The following GMDS variants were observed in gnomAD, a reference collection of about 807,000 sequenced individuals.
The protein encoded by GMDS is GDP-mannose 4,6 dehydratase.
GMDS carries 20 observed loss-of-function variants against 49.9 expected under a neutral mutation model. The ratio of observed to expected loss-of-function variants is 0.40; its 90% confidence interval spans 0.28 to 0.58. The LOEUF is 0.58. Among genes scored for constraint, GMDS ranks in the 20% least tolerant of loss-of-function variants. The pLI is 0.42. For missense variants in GMDS, 362 were observed against 481.4 expected (o/e 0.75, Z 2.32); for synonymous variants, 177 against 178.6 (o/e 0.99, Z 0.07).
At chr6:2,084,147 T>C (rs1278476307) in intron 4 of GMDS, among the ~76,000 whole-genome samples, 2 of 152,204 alleles carry the variant, frequency 1.3e-5, no homozygotes, top group Non-Finnish European at 2.9e-5. Context: ...AAAATTACAA[T>C]TGATTACATA....
intron 7 of GMDS, among the ~76,000 whole-genome samples, chr6:1,887,394 GT>G (rs1759659176): frequency 1.3e-5 from 2 of 151,974 alleles, no homozygotes; most frequent in Non-Finnish European, 2.9e-5. Flanking sequence ...ACGTTTCTAG[GT>G]ATATTTTTGA....
At chr6:2,070,416 A>G (rs1771919075) in intron 4 of GMDS, among the ~76,000 whole-genome samples, 1 of 151,904 alleles carries the variant, frequency 6.6e-6, no homozygotes, top group South Asian at 2.1e-4. Flanking sequence ...CCTAAAGTAT[A>G]ATAATAATAA....
At position 1,974,149 on chromosome 6, in the gene GMDS, T is replaced by TA. The variant is rs554716070; in HGVS notation, c.346-13184dup. Among the ~76,000 whole-genome samples the TA allele has an allele frequency of 2.0e-3, 285 of 142,766 alleles. 1 individual carries two copies. The highest frequency in any genetic ancestry group is 6.4e-3 in the East Asian group (32 of 4,984). 93.7% of individuals were successfully genotyped at this position (142,766 alleles called of 152,430 possible). A position where few individuals can be genotyped will look rare whatever the true frequency, so the allele number is the denominator to read the frequency against. ...AGTAAATTAATTTTAGAAGGAATAT[T>TA]AAAAAAAAAAAACCTAAGCTGTGAG... is the stretch of plus-strand genomic sequence containing the variant. On this transcript the variant is annotated intron_variant, in intron 4 of 10. Coordinates refer to ENST00000380815, the MANE Select transcript of GMDS (RefSeq NM_001500.4).
At chr6:2,018,455 T>G (rs769839506) in intron 4 of GMDS, among the ~76,000 whole-genome samples, 9 of 152,304 alleles carry the variant, frequency 5.9e-5, no homozygotes, top group Admixed American at 2.0e-4. Flanking sequence ...TCTAACACTC[T>G]CAAAAGAAAC....
chr6:2,054,630 T>G (rs904099740), intron 4 of GMDS, among the ~76,000 whole-genome samples: 1 of 152,122 alleles, frequency 6.6e-6, no homozygotes, highest in African/African-American at 2.4e-5. Context: ...GTATAAACTC[T>G]GCCCAAATCT....
chr6:1,852,869 G>A (rs1757751721), intron 7 of GMDS, among the ~76,000 whole-genome samples: 1 of 151,848 alleles, frequency 6.6e-6, no homozygotes, highest in African/African-American at 2.4e-5. Context: ...ACCACGCCCG[G>A]CTAATTTTGT....
intron 7 of GMDS, among the ~76,000 whole-genome samples, chr6:1,797,192 G>A (rs1024770366): frequency 1.3e-5 from 2 of 152,152 alleles, no homozygotes; most frequent in African/African-American, 4.8e-5. Context: ...CACGTGCGAG[G>A]GATCCAGGTG....
chr6:1,643,509 T>C (rs571677435), intron 9 of GMDS, among the ~76,000 whole-genome samples: 1 of 151,834 alleles, frequency 6.6e-6, no homozygotes, highest in Non-Finnish European at 1.5e-5. Context: ...TTTAGTAGAG[T>C]AGGATGTGGT....
At chr6:2,124,835 A>C in intron 1 of GMDS, 104 bp from the exon 2 acceptor site, 1 of 789,466 alleles carries the variant, frequency 1.3e-6, no homozygotes, top group Non-Finnish European at 2.2e-6. Context: ...TACCTAACTT[A>C]AGGACAATGG....
intron 4 of GMDS, among the ~76,000 whole-genome samples, chr6:2,104,573 G>A (rs1026659363): frequency 2.0e-5 from 3 of 151,806 alleles, no homozygotes; most frequent in African/African-American, 7.3e-5. Flanking sequence ...GGATGAAGAA[G>A]GAAGCTTTAG....
intron 7 of GMDS, among the ~76,000 whole-genome samples, chr6:1,774,165 T>C (rs546397824): frequency 6.6e-5 from 10 of 152,332 alleles, no homozygotes; most frequent in African/African-American, 2.2e-4. Context: ...AGAATTCTAC[T>C]TCCCTCATCT....
intron 7 of GMDS, among the ~76,000 whole-genome samples, chr6:1,782,263 C>T (rs184970617): frequency 1.3e-5 from 2 of 152,280 alleles, no homozygotes; most frequent in African/African-American, 4.8e-5. Context: ...AAATAAAACA[C>T]CAAACCAATA....
chr6:1,864,364 A>T (rs975133171), intron 7 of GMDS, among the ~76,000 whole-genome samples: 1 of 152,264 alleles, frequency 6.6e-6, no homozygotes, highest in Non-Finnish European at 1.5e-5. Flanking sequence ...TTAATAAAAC[A>T]GCCCTCCATT....
At chr6:2,037,113 A>G (rs1189727646) in intron 4 of GMDS, among the ~76,000 whole-genome samples, 2 of 152,156 alleles carry the variant, frequency 1.3e-5, no homozygotes, top group African/African-American at 4.8e-5. Flanking sequence ...GAAATGGTTC[A>G]GTCAGGCAAA....
At chr6:2,155,854 C>T (rs1324777690) in intron 1 of GMDS, among the ~76,000 whole-genome samples, 1 of 151,948 alleles carries the variant, frequency 6.6e-6, no homozygotes, top group Non-Finnish European at 1.5e-5. Context: ...TTCCCAAATG[C>T]GAATTCTAAA....
intron 4 of GMDS, among the ~76,000 whole-genome samples, chr6:2,112,610 A>G (rs1239184428): frequency 6.6e-6 from 1 of 152,212 alleles, no homozygotes; most frequent in Non-Finnish European, 1.5e-5. Context: ...GTCCCTCTAC[A>G]TAAAAATTTC....
At chr6:2,218,418 C>G (rs773323243) in intron 1 of GMDS, among the ~76,000 whole-genome samples, 5 of 152,154 alleles carry the variant, frequency 3.3e-5, no homozygotes, top group Admixed American at 3.3e-4. Context: ...CTTTGACCAC[C>G]GGAAGTGAAA....
intron 7 of GMDS, among the ~76,000 whole-genome samples, chr6:1,901,376 C>G (rs1006936916): frequency 3.9e-5 from 6 of 152,020 alleles, no homozygotes; most frequent in African/African-American, 1.5e-4. Context: ...TCACATTGAT[C>G]AAAACTACAT....
intron 1 of GMDS, among the ~76,000 whole-genome samples, chr6:2,183,677 T>C (rs913063464): frequency 6.6e-6 from 1 of 152,198 alleles, no homozygotes; most frequent in Admixed American, 6.5e-5. Context: ...AACAGCTGAA[T>C]GGCACAGAGA....
Sources: gnomAD v4.1 joint callset for allele counts (sites outside exome capture counted in the v4.1 genomes callset) on GRCh38, gnomAD v4.1.1 for gene constraint, MANE v1.5 for transcripts, NCBI Gene and HGNC (gene_info 2026-07-23, HGNC 2026-07-21) for gene names.